Variants in DYNC1I1 observed in about 807,000 individuals in gnomAD.
The protein encoded by DYNC1I1 is cytoplasmic dynein 1 intermediate chain 1.
A neutral mutation model predicts 86.6 loss-of-function variants in DYNC1I1; 43 were observed. The ratio of observed to expected loss-of-function variants is 0.50; its 90% confidence interval spans 0.39 to 0.64. The LOEUF is 0.64. Among genes scored for constraint, DYNC1I1 ranks in the 30% least tolerant of loss-of-function variants. The pLI is 0.00. For missense variants in DYNC1I1, 604 were observed against 788.8 expected (o/e 0.77, Z 2.81); for synonymous variants, 262 against 283.7 (o/e 0.92, Z 0.77).
chr7:95,883,134 C>A (rs990985257), intron 6 of DYNC1I1, among the ~76,000 whole-genome samples: 6 of 152,188 alleles, frequency 3.9e-5, no homozygotes, highest in Admixed American at 1.3e-4. Flanking sequence ...TTTATCAACT[C>A]ATTGGAATTA....
intron 14 of DYNC1I1, among the ~76,000 whole-genome samples, chr7:96,056,413 C>T (rs1165688167): frequency 2.6e-5 from 4 of 152,136 alleles, no homozygotes; most frequent in African/African-American, 9.7e-5. Flanking sequence ...TCCAGCTCCA[C>T]TCAAGAAAGT....
chr7:95,886,172 A>C (rs1439842232), intron 6 of DYNC1I1, among the ~76,000 whole-genome samples: 3 of 152,224 alleles, frequency 2.0e-5, no homozygotes, highest in Non-Finnish European at 4.4e-5. Context: ...GCAGTGGCCC[A>C]CACCTATGAT....
intron 6 of DYNC1I1, among the ~76,000 whole-genome samples, chr7:95,920,809 G>A (rs1007763047): frequency 1.4e-4 from 21 of 152,126 alleles, no homozygotes; most frequent in African/African-American, 2.4e-4. Flanking sequence ...CATTTGCAGC[G>A]CTCTGAATAC....
intron 14 of DYNC1I1, among the ~76,000 whole-genome samples, chr7:96,043,526 G>T (rs1789119087): frequency 6.9e-6 from 1 of 143,996 alleles, no homozygotes; most frequent in South Asian, 2.1e-4. Flanking sequence ...ATTGGAAGTG[G>T]AAACAATGTA....
At chr7:96,040,496 G>A (rs913700433) in intron 14 of DYNC1I1, among the ~76,000 whole-genome samples, 1 of 152,032 alleles carries the variant, frequency 6.6e-6, no homozygotes. Context: ...GATAACCCAG[G>A]TTTAAGACCT....
chr7:96,082,194 A>T (rs1266329844), intron 16 of DYNC1I1, among the ~76,000 whole-genome samples: 1 of 152,098 alleles, frequency 6.6e-6, no homozygotes, highest in Non-Finnish European at 1.5e-5. Context: ...CATGGCCCTC[A>T]TCAAAGTAAA....
intron 4 of DYNC1I1, among the ~76,000 whole-genome samples, chr7:95,824,216 C>T (rs979186968): frequency 2.0e-5 from 3 of 151,440 alleles, no homozygotes; most frequent in African/African-American, 7.3e-5. Context: ...GGTCTTGGAA[C>T]CCGTGGGCTT....
intron 5 of DYNC1I1, among the ~76,000 whole-genome samples, chr7:95,831,847 A>T (rs1286607732): frequency 6.6e-6 from 1 of 151,622 alleles, no homozygotes. Context: ...GTAATTTGTA[A>T]TTTTGCTATT....
At chr7:95,865,669 T>C (rs938498414) in intron 5 of DYNC1I1, among the ~76,000 whole-genome samples, 4 of 152,232 alleles carry the variant, frequency 2.6e-5, no homozygotes, top group African/African-American at 9.6e-5. Context: ...TTACTGTACC[T>C]TTTCTATTTT....
chr7:96,108,095 AG>A lies in DYNC1I1; in HGVS notation c.1543-1882del, dbSNP rs1270815176. 2.0e-5 allele frequency among the ~76,000 whole-genome samples: 3 copies of A among 152,134 alleles called. No homozygotes were observed. In the East Asian group the frequency reaches 5.8e-4, roughly 29 times the overall value. ...TCACATGATGTATGATATAAGCTAT[AG>A]GCTTTATCAGGTAAAGTTTCCTTTC... On this transcript the variant is annotated intron_variant, in intron 16 of 16. Coordinates refer to the DYNC1I1 transcript ENST00000537881.
intron 6 of DYNC1I1, among the ~76,000 whole-genome samples, chr7:95,905,862 C>T (rs950762859): frequency 1.3e-5 from 2 of 152,148 alleles, no homozygotes; most frequent in African/African-American, 4.8e-5. Flanking sequence ...TTAACTAGAA[C>T]ACTTTGTAGT....
intron 11 of DYNC1I1, among the ~76,000 whole-genome samples, chr7:96,030,330 T>TTGTGTGTG (rs200496803): frequency 0.011 from 1,450 of 135,458 alleles, 16 homozygotes; most frequent in African/African-American, 0.024. Context: ...AATGGTAGAG[T>TTGTGTGTG]TGTGTGTGTG....
intron 14 of DYNC1I1, among the ~76,000 whole-genome samples, chr7:96,064,328 T>A (rs1266170923): frequency 6.6e-6 from 1 of 152,124 alleles, no homozygotes; most frequent in African/African-American, 2.4e-5. Context: ...TAAGTTTATT[T>A]GTTTTTAATG....
At chr7:95,925,941 A>G (rs1406624303) in intron 6 of DYNC1I1, among the ~76,000 whole-genome samples, 1 of 152,176 alleles carries the variant, frequency 6.6e-6, no homozygotes, top group Non-Finnish European at 1.5e-5. Context: ...GTTCCTTAAT[A>G]TTTACCCTGA....
chr7:95,979,120 A>C (rs1235714650), intron 7 of DYNC1I1, among the ~76,000 whole-genome samples: 1 of 152,192 alleles, frequency 6.6e-6, no homozygotes, highest in Non-Finnish European at 1.5e-5. Flanking sequence ...ATTAAAAATC[A>C]CTTCATATTG....
In DYNC1I1 at chr7:96,080,634, C is replaced by T. The variant is rs1408096390; in HGVS notation, c.1776+146C>T. 33 of 1,326,590 alleles carry T rather than the reference C, an allele frequency of 2.5e-5. No individual in the cohort carries two copies. The South Asian group carries it at 2.8e-4, about 11-fold the overall frequency. 82.2% of individuals were successfully genotyped at this position (1,326,590 alleles called of 1,614,324 possible). ...TCCATTGACTTCAATGCTAGTTTGG[C>T]GAGACTTCCTTAGGGCCTAATTTGA... On this transcript the variant is annotated intron_variant, in intron 16 of 16. Transcript: ENST00000447467.
chr7:95,782,148 G>T (rs139812734), intron 1 of DYNC1I1, among the ~76,000 whole-genome samples: 2 of 152,286 alleles, frequency 1.3e-5, no homozygotes, highest in African/African-American at 4.8e-5. Context: ...TAAACCTCCT[G>T]GAAGTGACAT....
At chr7:95,914,699 T>G (rs1035549979) in intron 6 of DYNC1I1, among the ~76,000 whole-genome samples, 3 of 152,234 alleles carry the variant, frequency 2.0e-5, no homozygotes, top group South Asian at 2.1e-4. Flanking sequence ...GTGTGCAATT[T>G]GAGAATGAAG....
intron 6 of DYNC1I1, among the ~76,000 whole-genome samples, chr7:95,874,992 C>T (rs555913213): frequency 6.6e-6 from 1 of 152,332 alleles, no homozygotes; most frequent in South Asian, 2.1e-4. Context: ...ATGATTTAAA[C>T]TCTGTAGTCA....
Sources: allele counts gnomAD v4.1 joint callset (sites outside exome capture counted in the v4.1 genomes callset), GRCh38; gene constraint gnomAD v4.1.1; transcripts MANE v1.5; gene names NCBI Gene and HGNC (gene_info 2026-07-23, HGNC 2026-07-21).